Variants in LARP1 observed in about 807,000 individuals in gnomAD.
LARP1 encodes la-related protein 1.
In LARP1, 36 loss-of-function variants were observed where a neutral mutation model predicts 122.7. That is an observed-to-expected ratio of 0.29 (90% CI 0.22 to 0.39). The LOEUF (loss-of-function observed/expected upper bound fraction) is 0.39. LARP1 is among the 10% of genes least tolerant of loss of function. LARP1 has a pLI of 1.00. For missense variants in LARP1, 1,040 were observed against 1,403.6 expected, an observed-to-expected ratio of 0.74 and a Z score of 4.14; for synonymous variants, 539 against 528.7, an observed-to-expected ratio of 1.02 and a Z score of -0.27.
chr5:154,795,883 CATTTATATAT>C (rs1191545337), intron 8 of LARP1, among the ~76,000 whole-genome samples: 3 of 117,984 alleles, frequency 2.5e-5, no homozygotes, highest in Admixed American at 1.1e-4. Flanking sequence ...ATAAAATATA[CATTTATATAT>C]ATTTATATAT....
At chr5:154,704,520 G>A (rs1351310237) in intron 1 of LARP1, among the ~76,000 whole-genome samples, 3 of 151,998 alleles carry the variant, frequency 2.0e-5, no homozygotes, top group South Asian at 2.1e-4. Flanking sequence ...GGTGGCTCAC[G>A]CCTGTAATCC....
rs1160857681 is a variant in LARP1 at position 154,814,201 on chromosome 5, GA to G, written c.*106del. On this transcript the variant is annotated 3_prime_UTR_variant, in exon 19 of 19. Transcript: ENST00000518297. ...AGGGGACAATGAAGGGACAGGCCTG[GA>G]GTTACTAGGACAGGCCTTTGTGCTG... The G allele has an allele frequency of 8.7e-7, 1 of 1,148,928 alleles. No individual in the cohort carries two copies. Among genetic ancestry groups the G allele is most frequent in the Admixed American group, 2.1e-5 (1 of 48,266 alleles). 71.2% of individuals were successfully genotyped at this position (1,148,928 alleles called of 1,614,324 possible).
intron 1 of LARP1, among the ~76,000 whole-genome samples, chr5:154,784,660 A>C (rs983652960): frequency 2.0e-5 from 3 of 152,056 alleles, no homozygotes; most frequent in Non-Finnish European, 4.4e-5. Flanking sequence ...CCTTTCATGC[A>C]CAGGTCCCTC....
intron 1 of LARP1, among the ~76,000 whole-genome samples, chr5:154,695,866 C>CT (rs1303944566): frequency 6.6e-6 from 1 of 151,402 alleles, no homozygotes. Flanking sequence ...GAGCAAGACT[C>CT]TATCTCGAAA....
chr5:154,785,453 AT>A (rs1162390760), intron 1 of LARP1, among the ~76,000 whole-genome samples: 1 of 152,198 alleles, frequency 6.6e-6, no homozygotes, highest in East Asian at 1.9e-4. Flanking sequence ...GTGAATTGTA[AT>A]ATTAGCATTT....
intron 1 of LARP1, among the ~76,000 whole-genome samples, chr5:154,716,498 G>T (rs1246212568): frequency 6.6e-6 from 1 of 152,114 alleles, no homozygotes; most frequent in Non-Finnish European, 1.5e-5. Flanking sequence ...ACCCAGGCTG[G>T]AGTGCAGTGG....
At chr5:154,699,968 C>T (rs1770841269) in intron 1 of LARP1, among the ~76,000 whole-genome samples, 1 of 152,158 alleles carries the variant, frequency 6.6e-6, no homozygotes, top group South Asian at 2.1e-4. Context: ...GACTCTTATT[C>T]CCATCCAGAA....
chr5:154,728,168 G>T (rs559550252), intron 1 of LARP1, among the ~76,000 whole-genome samples: 2 of 152,268 alleles, frequency 1.3e-5, no homozygotes, highest in Admixed American at 1.3e-4. Flanking sequence ...TAAAATTTTG[G>T]ATTCCCAGAT....
rs777644394 is a variant in LARP1 at position 154,795,345 on chromosome 5, A to C, written c.1377+26A>C. ...GTATGTCTTCCTCCCTGGAGCTGGG[A>C]TGCAGGGGAAAGAAAGGTCCTTAGG... On this transcript the variant is annotated intron_variant, in intron 8 of 18. Transcript: ENST00000518297. 9 of 1,609,484 alleles carry C rather than the reference A, an allele frequency of 5.6e-6. No homozygotes were observed. In the East Asian group the frequency reaches 2.0e-4, roughly 36 times the overall value.
intron 1 of LARP1, among the ~76,000 whole-genome samples, chr5:154,749,999 T>C (rs1753401925): frequency 6.6e-6 from 1 of 152,218 alleles, no homozygotes; most frequent in Admixed American, 6.5e-5. Flanking sequence ...GCAGGTATGC[T>C]TCCTGTTTCA....
chr5:154,754,184 T>A (rs1351963919), upstream of LARP1, among the ~76,000 whole-genome samples: 3 of 152,250 alleles, frequency 2.0e-5, no homozygotes, highest in Non-Finnish European at 2.9e-5. Context: ...TCATAGATAC[T>A]AGACAATAAT....
At chr5:154,743,637 A>G (rs1236513937) in intron 1 of LARP1, among the ~76,000 whole-genome samples, 2 of 135,034 alleles carry the variant, frequency 1.5e-5, no homozygotes, top group African/African-American at 5.7e-5. Context: ...TTGTTTGTTT[A>G]GAGACAGAGT....
Position 154,804,208 on chromosome 5 carries a change from G to T in LARP1, c.2447G>T (p.Arg816Leu), listed in dbSNP as rs755744701. Residue 816 changes from arginine (R) to leucine (L), a missense_variant, in exon 14 of 19, where the codon CGA becomes CTA. Transcript: ENST00000518297. Reference protein sequence around the residue: ...EGRTLDAKMPRKRKTRHSSNP... With the variant: ...EGRTLDAKMPLKRKTRHSSNP... ...CTGGGCTAACCTTTGCAGATGCCTC[G>T]AAAAAGAAAGACAAGACACAGTTCA... The T allele has an allele frequency of 6.2e-7, 1 of 1,614,012 alleles. No individual in the cohort carries two copies. Among genetic ancestry groups the T allele is most frequent in the South Asian group, 1.1e-5 (1 of 91,078 alleles).
At chr5:154,704,822 T>A (rs1244766611) in intron 1 of LARP1, among the ~76,000 whole-genome samples, 2 of 150,666 alleles carry the variant, frequency 1.3e-5, no homozygotes, top group Admixed American at 6.6e-5. Context: ...CATTAAAAAA[T>A]GGACAAAGGA....
At position 154,790,792 on chromosome 5, in the gene LARP1, A is replaced by G; in HGVS notation, c.564+82A>G. 4 of 1,157,050 alleles carry G rather than the reference A, an allele frequency of 3.5e-6. No individual in the cohort carries two copies. In the South Asian group the frequency reaches 5.1e-5, roughly 15 times the overall value. 71.7% of individuals were successfully genotyped at this position (1,157,050 alleles called of 1,614,324 possible). A position where few individuals can be genotyped will look rare whatever the true frequency, so the allele number is the denominator to read the frequency against. ...GCTCCTCAAGCTTCCAGAGAGCCTC[A>G]GCTCTTACCTTTCTCAGTTTTCATT... is the stretch of plus-strand genomic sequence containing the variant. On this transcript the variant is annotated intron_variant, in intron 3 of 18. Transcript: ENST00000518297.
intron 1 of LARP1, among the ~76,000 whole-genome samples, chr5:154,788,949 C>T (rs1432777447): frequency 2.6e-5 from 4 of 152,072 alleles, no homozygotes; most frequent in African/African-American, 7.2e-5. Flanking sequence ...TAGTGGCTGA[C>T]GCCTGTAATC....
intron 1 of LARP1, among the ~76,000 whole-genome samples, chr5:154,693,908 A>T (rs941799590): frequency 6.6e-6 from 1 of 152,030 alleles, no homozygotes; most frequent in Non-Finnish European, 1.5e-5. Context: ...AATAGGATGG[A>T]GTAGACTACA....
At chr5:154,762,295 G>GT (rs796666766) in intron 1 of LARP1, among the ~76,000 whole-genome samples, 1,971 of 148,146 alleles carry the variant, frequency 0.013, 39 homozygotes, top group African/African-American at 0.044. Flanking sequence ...TAAGATGTAA[G>GT]TTTTTTTTTT....
intron 14 of LARP1, chr5:154,804,945 T>A: frequency 4.4e-6 from 2 of 455,940 alleles, no homozygotes; most frequent in South Asian, 3.1e-5. Flanking sequence ...GGTGCCCAGC[T>A]GCACACAGTT....
Sources: gnomAD v4.1 joint callset for allele counts (sites outside exome capture counted in the v4.1 genomes callset) on GRCh38, gnomAD v4.1.1 for gene constraint, MANE v1.5 for transcripts, NCBI Gene and HGNC (gene_info 2026-07-23, HGNC 2026-07-21) for gene names.